ATG7: variants seen among roughly 807,000 people sequenced by gnomAD.
ATG7 encodes autophagy related 7.
ATG7 carries 70 observed loss-of-function variants against 82.4 expected under a neutral mutation model. The ratio of observed to expected loss-of-function variants is 0.85; its 90% CI spans 0.70 to 1.04. The LOEUF is 1.04. Among genes scored for constraint, ATG7 ranks in the 50% least tolerant of loss-of-function variants. ATG7 has a pLI of 0.00. For synonymous variants in ATG7, 287 were observed against 313.0 expected, an observed-to-expected ratio of 0.92 and a Z score of 0.88; for missense variants, 792 against 864.3, an observed-to-expected ratio of 0.92 and a Z score of 1.05.
chr3:11,550,212 A>G (rs997420499), intron 20 of ATG7, among the ~76,000 whole-genome samples: 2 of 152,072 alleles, frequency 1.3e-5, no homozygotes, highest in African/African-American at 4.8e-5. Context: ...TTCTTGTGAA[A>G]TGCAAACCCA....
intron 19 of ATG7, among the ~76,000 whole-genome samples, chr3:11,420,342 A>C (rs1189635316): frequency 6.6e-6 from 1 of 152,044 alleles, no homozygotes; most frequent in Admixed American, 6.6e-5. Flanking sequence ...ATTATGGAGG[A>C]GGCCTTTTTT....
chr3:11,497,320 T>C (rs1425261466), intron 20 of ATG7, among the ~76,000 whole-genome samples: 5 of 134,014 alleles, frequency 3.7e-5, no homozygotes, highest in African/African-American at 1.4e-4. Flanking sequence ...GAGGCCAGCC[T>C]GGTCAACATA....
At chr3:11,367,014 T>TGTGTGTGTGTGTG (rs58790022) in intron 18 of ATG7, among the ~76,000 whole-genome samples, 5 of 150,758 alleles carry the variant, frequency 3.3e-5, no homozygotes, top group African/African-American at 7.3e-5. Context: ...TGTGTGTGTG[T>TGTGTGTGTGTGTG]TTACTTGCTT....
In ATG7 at chr3:11,347,891, A is replaced by G. The variant is rs141565398; in HGVS notation, c.1140A>G (p.Arg380=). The change falls in exon 14 of 21, where the codon AGA becomes AGG. Residue 380 remains arginine (R), a synonymous_variant. Coordinates refer to ENST00000693202, the MANE Select transcript of ATG7 (RefSeq NM_001349232.2). ...VARTLMGWGV[R]HITFVDNAKI... ...TTTCCACACAGGGTTGGGGCGTGAG[A>G]CACATCACATTTGTGGACAATGCCA... 3 of 1,613,914 alleles carry G rather than the reference A, an allele frequency of 1.9e-6. No homozygotes were observed. The highest frequency in any genetic ancestry group is 2.2e-5 in the East Asian group (1 of 44,882).
intron 19 of ATG7, among the ~76,000 whole-genome samples, chr3:11,399,699 C>T (rs765042968): frequency 1.3e-5 from 2 of 152,122 alleles, no homozygotes; most frequent in African/African-American, 2.4e-5. Flanking sequence ...CTCAGCCTCC[C>T]GAGTAGCCGG....
chr3:11,437,300 C>T (rs1054422612), intron 20 of ATG7, among the ~76,000 whole-genome samples: 21 of 152,172 alleles, frequency 1.4e-4, no homozygotes, highest in African/African-American at 4.6e-4. Flanking sequence ...AGTCTCTGTG[C>T]ACCTCCTTTA....
chr3:11,567,526 T>G, the ATG7 span, among the ~76,000 whole-genome samples: 1 of 152,138 alleles, frequency 6.6e-6, no homozygotes, highest in Non-Finnish European at 1.5e-5. Context: ...GCCACACACA[T>G]CCTGGCGATT....
chr3:11,504,964 C>T (rs538898344), intron 20 of ATG7, among the ~76,000 whole-genome samples: 4 of 152,132 alleles, frequency 2.6e-5, no homozygotes, highest in South Asian at 2.1e-4. Flanking sequence ...CCTCATTTAC[C>T]GAGCAAAATG....
intron 19 of ATG7, among the ~76,000 whole-genome samples, chr3:11,391,067 A>G (rs975701302): frequency 1.3e-5 from 2 of 152,128 alleles, no homozygotes; most frequent in Non-Finnish European, 2.9e-5. Flanking sequence ...TTTTCCGTTG[A>G]TCTTTTGTCT....
At chr3:11,565,098 G>T in the ATG7 span, 1 of 1,304,414 alleles carries the variant, frequency 7.7e-7, no homozygotes, top group Non-Finnish European at 1.0e-6. The surrounding 1 kb of genome is among the most constrained non-coding windows in gnomAD (Gnocchi z 4.1). Context: ...GGCACTCCGT[G>T]TTGCTTATTT....
intron 20 of ATG7, among the ~76,000 whole-genome samples, chr3:11,443,981 C>T (rs1160405640): frequency 6.6e-6 from 1 of 152,188 alleles, no homozygotes; most frequent in African/African-American, 2.4e-5. Context: ...TAACTAGAAA[C>T]AGTAAACTTT....
chr3:11,332,952 A>C lies in ATG7; in HGVS notation c.768-20A>C. The stretch of plus-strand genomic sequence containing the variant: ...TTAAAAAAAAATAATAAATAAATAA[A>C]AATCCGGGCATGACAACAGGAGTAG... On this transcript the variant is annotated intron_variant, in intron 10 of 20. Coordinates refer to ENST00000693202, the MANE Select transcript of ATG7 (RefSeq NM_001349232.2). The C allele has an allele frequency of 7.0e-7, 1 of 1,436,246 alleles. No individual in the cohort carries two copies. The highest frequency in any genetic ancestry group is 9.1e-7 in the Non-Finnish European group (1 of 1,093,646). 89.0% of individuals were successfully genotyped at this position (1,436,246 alleles called of 1,614,324 possible). A position where few individuals can be genotyped will look rare whatever the true frequency, so the allele number is the denominator to read the frequency against.
intron 20 of ATG7, among the ~76,000 whole-genome samples, chr3:11,434,144 T>C (rs2083158221): frequency 6.6e-6 from 1 of 152,198 alleles, no homozygotes; most frequent in Non-Finnish European, 1.5e-5. Context: ...TACACTGAGA[T>C]TTTGGCCTCT....
chr3:11,352,158 A>G (rs1460382095), intron 14 of ATG7, among the ~76,000 whole-genome samples: 2 of 152,164 alleles, frequency 1.3e-5, no homozygotes, highest in Non-Finnish European at 2.9e-5. Context: ...AGCTTCATCC[A>G]TGTCCCTACA....
chr3:11,495,844 C>A (rs1241250507), intron 20 of ATG7, among the ~76,000 whole-genome samples: 2 of 152,166 alleles, frequency 1.3e-5, no homozygotes, highest in African/African-American at 4.8e-5. Flanking sequence ...CCACATTCTC[C>A]CTTTATTTTC....
At chr3:11,342,494 A>G (rs1202628843) in intron 13 of ATG7, among the ~76,000 whole-genome samples, 1 of 152,142 alleles carries the variant, frequency 6.6e-6, no homozygotes, top group Non-Finnish European at 1.5e-5. Flanking sequence ...CGCAAGTCCC[A>G]TTTCCTATTA....
In ATG7 at chr3:11,495,935, T is replaced by C. The variant is rs577558471; in HGVS notation, c.2080-58876T>C. On this transcript the variant is annotated intron_variant, in intron 20 of 20. Transcript: ENST00000693202. The stretch of plus-strand genomic sequence containing the variant: ...AGTTCATGTGCACCGTAAGGACTTA[T>C]ACTATATTGTGTCATTTTCATAGGC... Among the ~76,000 whole-genome samples the C allele has an allele frequency of 5.4e-4, 83 of 152,336 alleles. 2 individuals carry two copies. In the South Asian group the frequency reaches 0.016, roughly 29 times the overall value.
At chr3:11,496,758 C>T (rs965343131) in intron 20 of ATG7, among the ~76,000 whole-genome samples, 11 of 152,130 alleles carry the variant, frequency 7.2e-5, no homozygotes, top group Non-Finnish European at 7.3e-5. Flanking sequence ...TATTATCATA[C>T]TTTCTGAAGC....
intron 3 of ATG7, among the ~76,000 whole-genome samples, chr3:11,285,220 C>T (rs188122979): frequency 2.8e-5 from 4 of 144,832 alleles, no homozygotes; most frequent in Admixed American, 2.1e-4. Flanking sequence ...CACCCTGTCA[C>T]GCAGGCTGGA....
Sources: allele counts gnomAD v4.1 joint callset (sites outside exome capture counted in the v4.1 genomes callset), GRCh38; gene constraint gnomAD v4.1.1; non-coding constraint Gnocchi (gnomAD v3.1); transcripts MANE v1.5; gene names NCBI Gene and HGNC (gene_info 2026-07-23, HGNC 2026-07-21).